Variants in DENND5A observed in about 807,000 individuals in gnomAD.
The protein encoded by DENND5A is DENN domain containing 5A.
A neutral mutation model predicts 140.3 loss-of-function variants in DENND5A; 64 were observed. The observed-to-expected ratio is 0.46, with a 90% CI of 0.37 to 0.56. The LOEUF is 0.56. Ranked by LOEUF, DENND5A falls within the 20% of genes least tolerant of loss-of-function variation. The pLI is 0.00. For synonymous variants in DENND5A, 605 were observed against 607.7 expected (o/e 1.00, Z 0.07); for missense variants, 1,292 against 1,593.8 (o/e 0.81, Z 3.22).
chr11:9,233,470 CA>C (rs1240653156), intron 1 of DENND5A, among the ~76,000 whole-genome samples: 1 of 151,608 alleles, frequency 6.6e-6, no homozygotes, highest in East Asian at 1.9e-4. Flanking sequence ...ATGGTGGCCC[CA>C]AAAAAGGTAT....
chr11:9,232,583 A>G (rs1238459687), intron 1 of DENND5A, among the ~76,000 whole-genome samples: 1 of 152,206 alleles, frequency 6.6e-6, no homozygotes, highest in African/African-American at 2.4e-5. Context: ...AGAGTTGGTA[A>G]GGATAGGGAG....
At chr11:9,141,301 T>C (rs557302487) in intron 22 of DENND5A, among the ~76,000 whole-genome samples, 110 of 152,310 alleles carry the variant, frequency 7.2e-4, no homozygotes, top group Admixed American at 3.0e-3. Context: ...ATGGGGCCCC[T>C]CTGCCCCGAG....
At chr11:9,192,399 C>T (rs1016381203) in intron 5 of DENND5A, among the ~76,000 whole-genome samples, 9 of 152,102 alleles carry the variant, frequency 5.9e-5, no homozygotes, top group Non-Finnish European at 5.9e-5. Flanking sequence ...GAGGCCAAGG[C>T]GGGTGGATCA....
At chr11:9,178,780 G>GT (rs1848629698) in intron 7 of DENND5A, 78 bp downstream of exon 7, 8 of 1,221,346 alleles carry the variant, frequency 6.6e-6, no homozygotes, top group Middle Eastern at 2.0e-4. Context: ...ACTTCTTCGA[G>GT]TAATTTTCCA....
intron 5 of DENND5A, among the ~76,000 whole-genome samples, chr11:9,183,028 C>T (rs972356838): frequency 6.6e-6 from 1 of 152,124 alleles, no homozygotes; most frequent in Non-Finnish European, 1.5e-5. Context: ...ATATACCATA[C>T]CCTGTAAATA....
chr11:9,176,873 T>C, intron 8 of DENND5A: 1 of 456,256 alleles, frequency 2.2e-6, no homozygotes, highest in South Asian at 1.5e-5. Flanking sequence ...TCCCATGCAC[T>C]TGAGGTTGAT....
intron 1 of DENND5A, among the ~76,000 whole-genome samples, chr11:9,222,009 G>A (rs1284598657): frequency 1.3e-5 from 2 of 151,896 alleles, no homozygotes; most frequent in African/African-American, 2.4e-5. Flanking sequence ...CGCCCACCTT[G>A]GCCTCCCAAA....
chr11:9,217,380 G>A (rs961051719), intron 1 of DENND5A, among the ~76,000 whole-genome samples: 1 of 152,052 alleles, frequency 6.6e-6, no homozygotes, highest in South Asian at 2.1e-4. Flanking sequence ...CAGGCGTGGT[G>A]GGGCACACCT....
chr11:9,177,389 T>G (rs934434219), intron 8 of DENND5A, among the ~76,000 whole-genome samples: 1 of 151,822 alleles, frequency 6.6e-6, no homozygotes, highest in South Asian at 2.1e-4. Context: ...TGGTGGTTCA[T>G]GCGCGTAATG....
intron 1 of DENND5A, among the ~76,000 whole-genome samples, chr11:9,228,646 G>A (rs1281729465): frequency 1.3e-5 from 2 of 151,646 alleles, no homozygotes; most frequent in African/African-American, 2.4e-5. Flanking sequence ...TTGAACCCGG[G>A]AGGCAGAGGT....
At chr11:9,148,072 T>G (rs1384235643) in intron 15 of DENND5A, among the ~76,000 whole-genome samples, 1 of 152,168 alleles carries the variant, frequency 6.6e-6, no homozygotes, top group African/African-American at 2.4e-5. Context: ...AAATGCAGTC[T>G]AAGTGAATAA....
In DENND5A at chr11:9,160,917, T is replaced by C. The variant is rs756710403; in HGVS notation, c.2284-52A>G. 36 of 1,584,926 alleles carry C rather than the reference T, an allele frequency of 2.3e-5. No individual in the cohort carries two copies. In the Admixed American group the frequency reaches 2.9e-4, roughly 13 times the overall value. ...AATAACCACAGTGAGCAGGATTACA[T>C]ACAACCGGAGAGGGTTCTGACAGCC... On this transcript the variant is annotated intron_variant, in intron 11 of 22. Transcript: ENST00000328194.
chr11:9,187,530 G>C (rs1848959333), intron 5 of DENND5A, among the ~76,000 whole-genome samples: 1 of 152,114 alleles, frequency 6.6e-6, no homozygotes, highest in African/African-American at 2.4e-5. Context: ...CAGCCAGCCT[G>C]TTTCTCCAGT....
At chr11:9,198,309 TAA>T (rs762423564) in intron 4 of DENND5A, among the ~76,000 whole-genome samples, 27 of 138,772 alleles carry the variant, frequency 1.9e-4, no homozygotes, top group Admixed American at 2.9e-4. Context: ...CACTCCACTT[TAA>T]AAAAAAAAAA....
In DENND5A at chr11:9,204,230, C is replaced by G; in HGVS notation, c.379G>C (p.Gly127Arg). 6.2e-7 allele frequency: 1 copy of G among 1,614,110 alleles called. No homozygotes were observed. The highest frequency in any genetic ancestry group is 8.5e-7 in the Non-Finnish European group (1 of 1,180,030). The part of the protein sequence containing the change: ...FHAFIITRED[G>R]SRTFGFALTF... Reference sequence around the variant, plus strand: ...AGGGCAAACCCAAATGTCCGAGAGCCATCCTCCCTTGTGATAATAAAGGCA... The same window carrying G: ...AGGGCAAACCCAAATGTCCGAGAGCGATCCTCCCTTGTGATAATAAAGGCA... The change falls in exon 4 of 23, where the codon GGC becomes CGC. Residue 127 changes from glycine (G) to arginine (R), a missense_variant. Coordinates refer to ENST00000328194, the MANE Select transcript of DENND5A (RefSeq NM_015213.4).
At chr11:9,171,055 G>T in intron 8 of DENND5A, 1 of 380,404 alleles carries the variant, frequency 2.6e-6, no homozygotes, top group Non-Finnish European at 4.6e-6. Context: ...TAACTGCTTA[G>T]AGAAAGCTTC....
At chr11:9,144,556 C>T (rs1169819010) in intron 18 of DENND5A, among the ~76,000 whole-genome samples, 2 of 152,018 alleles carry the variant, frequency 1.3e-5, no homozygotes, top group South Asian at 2.1e-4. Context: ...TTTGGGAGGC[C>T]GAGGCGGCCG....
intron 8 of DENND5A, among the ~76,000 whole-genome samples, chr11:9,173,375 T>C (rs1848438187): frequency 6.6e-6 from 1 of 152,222 alleles, no homozygotes; most frequent in African/African-American, 2.4e-5. Flanking sequence ...ATTTTGTACT[T>C]ATTATTCAAA....
At chr11:9,186,079 T>A (rs1030313881) in intron 5 of DENND5A, among the ~76,000 whole-genome samples, 1 of 152,246 alleles carries the variant, frequency 6.6e-6, no homozygotes, top group African/African-American at 2.4e-5. Context: ...CATGTGTGTA[T>A]CATTCAATAA....
Sources: gnomAD v4.1 joint callset for allele counts (sites outside exome capture counted in the v4.1 genomes callset) on GRCh38, gnomAD v4.1.1 for gene constraint, MANE v1.5 for transcripts, NCBI Gene and HGNC (gene_info 2026-07-23, HGNC 2026-07-21) for gene names.